The following SH2D5 variants were observed in gnomAD, a reference collection of about 807,000 sequenced individuals.
SH2D5 encodes SH2 domain-containing protein 5.
Under a neutral mutation model 48.2 loss-of-function variants are expected in SH2D5, and 45 were observed. The ratio of observed to expected loss-of-function variants is 0.93; its 90% CI spans 0.73 to 1.20. The LOEUF (loss-of-function observed/expected upper bound fraction) is 1.20. Among genes scored for constraint, SH2D5 ranks in the 50% most tolerant of loss-of-function variants. SH2D5 has a pLI of 0.00. For synonymous variants in SH2D5, 230 were observed against 249.8 expected, an observed-to-expected ratio of 0.92 and a Z score of 0.75; for missense variants, 538 against 584.1, an observed-to-expected ratio of 0.92 and a Z score of 0.81.
rs1302860237 is a variant in SH2D5 at position 20,720,085 on chromosome 1, G to C, written c.*1707C>G. On this transcript the variant is annotated 3_prime_UTR_variant, in exon 10 of 10. Transcript: ENST00000444387. ...TGCCCATCTCTGGGCTGTAATCCTA[G>C]ACCCAGGACATGGCTAAACCTCTCT... 1 of 152,238 alleles carries C rather than the reference G, an allele frequency of 6.6e-6. No individual in the cohort carries two copies. Among genetic ancestry groups the C allele is most frequent in the Non-Finnish European group, 1.5e-5 (1 of 68,062 alleles). 9.4% of individuals were successfully genotyped at this position (152,238 alleles called of 1,614,324 possible).
intron 3 of SH2D5, 60 bp downstream of exon 3, chr1:20,727,463 G>A (rs776984817): frequency 6.6e-4 from 964 of 1,454,406 alleles, no homozygotes; most frequent in Non-Finnish European, 8.7e-4. Flanking sequence ...TGGTCTAGGG[G>A]GTTACCTGGT....
chr1:20,728,464 T>C lies in SH2D5; in HGVS notation c.-42-378A>G, dbSNP rs2054847949. Among the ~76,000 whole-genome samples, 1 of 151,874 alleles carries C rather than the reference T, an allele frequency of 6.6e-6. No homozygotes were observed. Among genetic ancestry groups the C allele is most frequent in the African/African-American group, 2.4e-5 (1 of 41,334 alleles). ...TGTGGCGGTACATGCCCAGGGTCACTCAAAAACTCAGCAAGCACTGAGGAT... is the reference window on the plus strand; with the variant it reads ...TGTGGCGGTACATGCCCAGGGTCACCCAAAAACTCAGCAAGCACTGAGGAT... On this transcript the variant is annotated intron_variant, in intron 1 of 9. Coordinates refer to ENST00000444387, the MANE Select transcript of SH2D5 (RefSeq NM_001103161.2). This position sits in a 1 kb window ranked among gnomAD's most constrained non-coding sequence, Gnocchi z 4.3.
chr1:20,724,144 GC>G lies in SH2D5; in HGVS notation c.737del (p.Arg246ProfsTer46). 6.2e-7 allele frequency: 1 copy of G among 1,613,066 alleles called. No homozygotes were observed. On this transcript the variant is annotated frameshift_variant, in exon 7 of 10. Transcript: ENST00000444387. LOFTEE classifies it high-confidence loss of function. ...AGGTGCAGCCGCGGTAGGCCCCCGAGCGGATCACCTTGCTGCGAATGGCCTT... is the reference window on the plus strand; with the variant it reads ...AGGTGCAGCCGCGGTAGGCCCCCGAGGGATCACCTTGCTGCGAATGGCCTT... ...RKKAIRSKVI[R>X]SGAYRGCTYE...
chr1:20,721,761 G>GGCGGGGCCT lies in SH2D5; in HGVS notation c.*22_*30dup. On this transcript the variant is annotated 3_prime_UTR_variant, in exon 10 of 10. Transcript: ENST00000444387. Reference sequence around the variant, plus strand: ...TGCTGGGGCCCAGGAGCCGGGGTGAGGCGGGGCCTGTGGGACCGGGGCCCT... The same window carrying GGCGGGGCCT: ...TGCTGGGGCCCAGGAGCCGGGGTGAGGCGGGGCCTGCGGGGCCTGTGGGACCGGGGCCCT... The GGCGGGGCCT allele has an allele frequency of 1.3e-6, 2 of 1,486,172 alleles. No homozygotes were observed. The highest frequency in any genetic ancestry group is 1.8e-6 in the Non-Finnish European group (2 of 1,111,764). The allele number at this position is 1,486,172 out of a possible 1,614,324, so 92.1% of individuals were successfully genotyped here.
At position 20,721,376 on chromosome 1, in the gene SH2D5, C is replaced by T. The variant is rs558083694; in HGVS notation, c.*416G>A. ...AGAGTAAAAGCTCACTCCTGCCTCC[C>T]CAAAACCCTCTTTCTGGAGACTCCC... On this transcript the variant is annotated 3_prime_UTR_variant, in exon 10 of 10. Coordinates refer to ENST00000444387, the MANE Select transcript of SH2D5 (RefSeq NM_001103161.2). 738 of 174,616 alleles carry T rather than the reference C, an allele frequency of 4.2e-3. 1 individual carries two copies. Among genetic ancestry groups the T allele is most frequent in the Middle Eastern group, 7.2e-3 (3 of 418 alleles). 10.8% of individuals were successfully genotyped at this position (174,616 alleles called of 1,614,324 possible).
At chr1:20,725,818 G>C in intron 5 of SH2D5, 102 bp downstream of exon 5, 7 of 1,441,668 alleles carry the variant, frequency 4.9e-6, no homozygotes, top group Non-Finnish European at 6.6e-6. Flanking sequence ...GCCTGGAGGG[G>C]GATCAGGCCG....
chr1:20,728,051 CA>C lies in SH2D5; in HGVS notation c.-8del, dbSNP rs2054838012. The C allele has an allele frequency of 6.5e-7, 1 of 1,536,730 alleles. No homozygotes were observed. The highest frequency in any genetic ancestry group is 1.4e-5 in the African/African-American group (1 of 72,994). On this transcript the variant is annotated 5_prime_UTR_variant, in exon 2 of 10. Transcript: ENST00000444387. This position sits in a 1 kb window ranked among gnomAD's most constrained non-coding sequence, Gnocchi z 4.3. The stretch of plus-strand genomic sequence containing the variant: ...CAGCCCCCGCCTTCTGCATGGCCCC[CA>C]GGGTGCCTGGCTTCCAGCTCCACGG...
intron 1 of SH2D5, chr1:20,731,631 T>A (rs72970090): frequency 0.053 from 8,115 of 151,716 alleles, 732 homozygotes; most frequent in African/African-American, 0.18. Flanking sequence ...GCGAGGTGCG[T>A]GCGTGTGCTG....
intron 8 of SH2D5, among the ~76,000 whole-genome samples, chr1:20,723,223 A>G (rs559423948): frequency 8.5e-5 from 13 of 152,276 alleles, no homozygotes; most frequent in African/African-American, 2.4e-4. Context: ...AAAACCCAAC[A>G]TGGGGTCTGA....
rs773533327 is a variant in SH2D5 at position 20,722,901 on chromosome 1, G to C, written c.923C>G (p.Ala308Gly). Residue 308 changes from alanine (A) to glycine (G), a missense_variant, in exon 9 of 10, where the codon GCC (alanine) becomes GGC (glycine). Coordinates refer to ENST00000444387, the MANE Select transcript of SH2D5 (RefSeq NM_001103161.2). ...FAGISRPCAL[A>G]LLRRDVLGAF... ...CCCCAGCACGTCTCTCCGCAACAGG[G>C]CCAGGGCACAGGGCCTAGGAGCACA... is the stretch of plus-strand genomic sequence containing the variant. 1 of 1,596,846 alleles carries C rather than the reference G, an allele frequency of 6.3e-7. No homozygotes were observed. The highest frequency in any genetic ancestry group is 1.1e-5 in the South Asian group (1 of 88,106).
chr1:20,726,682 G>C lies in SH2D5; in HGVS notation c.243+319C>G, dbSNP rs1177567336. 2.6e-5 allele frequency among the ~76,000 whole-genome samples: 4 copies of C among 152,240 alleles called. No homozygotes were observed. In the East Asian group the frequency reaches 5.8e-4, roughly 22 times the overall value. ...ACCGCACCTGGGTGAAGCTGCCCAC[G>C]GCCCACCAGCCAGGGCGGGGCAGGG... On this transcript the variant is annotated intron_variant, in intron 4 of 9. Transcript: ENST00000444387.
chr1:20,727,063 G>C lies in SH2D5; in HGVS notation c.181C>G (p.Arg61Gly). The C allele has an allele frequency of 6.2e-7, 1 of 1,611,472 alleles. No homozygotes were observed. The highest frequency in any genetic ancestry group is 8.5e-7 in the Non-Finnish European group (1 of 1,178,828). ...CTGAATTTCAGGATGACGGCCCGGC[G>C]TCGGGGACAGTCCTGGGTGGAAAAG... ...QLWALKDCPRRRAVILKFSLQ... is the reference protein window; with the variant it reads ...QLWALKDCPRGRAVILKFSLQ... Residue 61 changes from arginine (R) to glycine (G), a missense_variant, in exon 4 of 10, where the codon CGC becomes GGC. Arg to Gly is a moderately radical substitution (Grantham distance 125, BLOSUM62 -2). Transcript: ENST00000444387.
At position 20,722,825 on chromosome 1, in the gene SH2D5, G is replaced by A. The variant is rs376039782; in HGVS notation, c.999C>T (p.Ser333=). The change falls in exon 9 of 10, where the codon TCC becomes TCT. Residue 333 remains serine, a synonymous_variant. Transcript: ENST00000444387. ...GCACCACGCCGCACTGCGTGCGCAC[G>A]GACAGACACCACTGGCCGCTAGCAC... The part of the protein sequence containing the change: ...ELGASGQWCL[S]VRTQCGVVPH... The A allele has an allele frequency of 1.6e-4, 252 of 1,604,366 alleles. 1 individual carries two copies. The African/African-American group carries it at 2.9e-3, about 18-fold the overall frequency.
rs1174896089 is a variant in SH2D5 at position 20,732,304 on chromosome 1, A to G, written c.-166T>C. ...GGCGGGAGGGGCTCGCCCGGAGCTC[A>G]GAAGGCACCTCCTCCCGGGCTGGGG... is the stretch of plus-strand genomic sequence containing the variant. On this transcript the variant is annotated 5_prime_UTR_variant, in exon 1 of 10. Coordinates refer to ENST00000444387, the MANE Select transcript of SH2D5 (RefSeq NM_001103161.2). This position sits in a 1 kb window ranked among gnomAD's most constrained non-coding sequence, Gnocchi z 5.1. The G allele has an allele frequency of 6.6e-6, 1 of 152,124 alleles. No homozygotes were observed. Among genetic ancestry groups the G allele is most frequent in the African/African-American group, 2.4e-5 (1 of 41,416 alleles). 9.4% of individuals were successfully genotyped at this position (152,124 alleles called of 1,614,324 possible).
In SH2D5 at chr1:20,731,959, C is replaced by T. The variant is rs575137768; in HGVS notation, c.-43+222G>A. Among the ~76,000 whole-genome samples, 128 of 151,932 alleles carry T rather than the reference C, an allele frequency of 8.4e-4. 1 individual carries two copies. Among genetic ancestry groups the T allele is most frequent in the Middle Eastern group, 3.4e-3 (1 of 292 alleles). On this transcript the variant is annotated intron_variant, in intron 1 of 9. Transcript: ENST00000444387. ...CGAGACCCTCCCGCGCCCGTGTCAG[C>T]GTACCAAGCCCCCCGCCCCTGCCCG...
intron 1 of SH2D5, among the ~76,000 whole-genome samples, chr1:20,730,305 TCG>T (rs1491488679): frequency 5.8e-4 from 12 of 20,526 alleles, no homozygotes; most frequent in African/African-American, 2.5e-3. Context: ...CCCATCCTGC[TCG>T]GGGGGGGGGG....
Position 20,727,955 on chromosome 1 carries a change from C to A in SH2D5, c.87+3G>T. On this transcript the variant is annotated splice_donor_region_variant and intron_variant, in intron 2 of 9. Transcript: ENST00000444387. ...CACACCTGGACAGGGTGGCCCCACC[C>A]ACCTGGGCAAACTTGGTGATGCACC... 1 of 1,567,992 alleles carries A rather than the reference C, an allele frequency of 6.4e-7. No individual in the cohort carries two copies.
chr1:20,730,154 A>C (rs1272250996), intron 1 of SH2D5, among the ~76,000 whole-genome samples: 1 of 152,088 alleles, frequency 6.6e-6, no homozygotes, highest in Non-Finnish European at 1.5e-5. Context: ...GGCAAAGACC[A>C]CAAAACACGG....
At chr1:20,731,710 G>A (rs2054914022) in intron 1 of SH2D5, 1 of 152,168 alleles carries the variant, frequency 6.6e-6, no homozygotes, top group Non-Finnish European at 1.5e-5. Context: ...AGGGGCGGGT[G>A]GGCCGAGGCC....
Sources: allele counts gnomAD v4.1 joint callset (sites outside exome capture counted in the v4.1 genomes callset), GRCh38; gene constraint gnomAD v4.1.1; non-coding constraint Gnocchi (gnomAD v3.1); transcripts MANE v1.5; gene names NCBI Gene and HGNC (gene_info 2026-07-23, HGNC 2026-07-21).